STPG2: variants seen among roughly 807,000 people sequenced by gnomAD.
The protein encoded by STPG2 is sperm-tail PG-rich repeat-containing protein 2.
A neutral mutation model predicts 54.2 loss-of-function variants in STPG2; 56 were observed. That is an observed-to-expected ratio of 1.03 (90% CI 0.83 to 1.29). STPG2 has a LOEUF of 1.29. STPG2 is among the 50% of genes most tolerant of loss of function. The pLI is 0.00. For missense variants in STPG2, 596 were observed against 544.9 expected, an observed-to-expected ratio of 1.09 and a Z score of -0.93; for synonymous variants, 200 against 181.8, an observed-to-expected ratio of 1.10 and a Z score of -0.81.
intron 9 of STPG2, among the ~76,000 whole-genome samples, chr4:97,811,107 C>T (rs776658600): frequency 2.6e-5 from 4 of 151,700 alleles, no homozygotes; most frequent in Non-Finnish European, 2.9e-5. Flanking sequence ...CCAAAGAATA[C>T]GAATTACTGT....
chr4:97,799,486 T>C (rs1178992034), intron 9 of STPG2, among the ~76,000 whole-genome samples: 1 of 152,220 alleles, frequency 6.6e-6, no homozygotes, highest in Non-Finnish European at 1.5e-5. Context: ...AAAATTCTTT[T>C]CTTAAAGGAT....
chr4:98,068,525 G>T (rs1054912554), intron 5 of STPG2, among the ~76,000 whole-genome samples: 1 of 152,060 alleles, frequency 6.6e-6, no homozygotes, highest in African/African-American at 2.4e-5. Context: ...AATCTGAATT[G>T]CTCCTGAGTT....
intron 5 of STPG2, among the ~76,000 whole-genome samples, chr4:97,984,159 CTT>C (rs1377114062): frequency 6.6e-6 from 1 of 152,056 alleles, no homozygotes; most frequent in African/African-American, 2.4e-5. Context: ...TCCAATTCTT[CTT>C]TTTTTCTTTT....
intron 4 of STPG2, among the ~76,000 whole-genome samples, chr4:97,499,487 C>A (rs1447828563): frequency 7.8e-6 from 1 of 127,494 alleles, no homozygotes; most frequent in Non-Finnish European, 1.9e-5. Context: ...AAAATAGAGA[C>A]AGATATTAAA....
intron 9 of STPG2, among the ~76,000 whole-genome samples, chr4:97,768,179 A>AAG (rs1322126276): frequency 6.6e-6 from 1 of 152,032 alleles, no homozygotes; most frequent in East Asian, 1.9e-4. Flanking sequence ...AAAAAAAAAA[A>AAG]ACATAAGAGT....
At chr4:97,975,998 C>T (rs937675138) in intron 6 of STPG2, among the ~76,000 whole-genome samples, 3 of 152,124 alleles carry the variant, frequency 2.0e-5, no homozygotes, top group Non-Finnish European at 2.9e-5. Flanking sequence ...CTAGGTTAGA[C>T]GTTACTTTGG....
chr4:97,784,068 T>TAA (rs554533523), intron 9 of STPG2, among the ~76,000 whole-genome samples: 1 of 120,426 alleles, frequency 8.3e-6, no homozygotes, highest in Non-Finnish European at 1.8e-5. Flanking sequence ...AAAGTATAAT[T>TAA]AAAAAAAAAA....
intron 10 of STPG2, among the ~76,000 whole-genome samples, chr4:97,648,797 T>C (rs1192998653): frequency 6.6e-6 from 1 of 152,140 alleles, no homozygotes; most frequent in Non-Finnish European, 1.5e-5. Flanking sequence ...GTAGTCCTTG[T>C]TATTGTAGTT....
intron 8 of STPG2, among the ~76,000 whole-genome samples, chr4:97,903,204 C>T (rs1013516664): frequency 6.6e-6 from 1 of 151,948 alleles, no homozygotes; most frequent in Non-Finnish European, 1.5e-5. Flanking sequence ...GAGAATAGAT[C>T]TCAATTATTC....
chr4:97,808,277 A>G (rs1012572247), intron 9 of STPG2, among the ~76,000 whole-genome samples: 1 of 151,958 alleles, frequency 6.6e-6, no homozygotes, highest in African/African-American at 2.4e-5. Context: ...TCTTGGTTCT[A>G]AGGTATAAAT....
chr4:97,663,198 G>T (rs1028991494), intron 10 of STPG2, among the ~76,000 whole-genome samples: 1 of 152,070 alleles, frequency 6.6e-6, no homozygotes, highest in Non-Finnish European at 1.5e-5. Context: ...TAATGCCCAA[G>T]CATATTTAAT....
chr4:97,963,683 G>T (rs998922250), intron 7 of STPG2, among the ~76,000 whole-genome samples: 1 of 151,268 alleles, frequency 6.6e-6, no homozygotes, highest in Non-Finnish European at 1.5e-5. Flanking sequence ...ACATATATAT[G>T]TATTTGAAAT....
intron 10 of STPG2, among the ~76,000 whole-genome samples, chr4:97,582,451 T>A (rs937496585): frequency 1.1e-4 from 16 of 152,064 alleles, no homozygotes; most frequent in Non-Finnish European, 2.9e-5. Flanking sequence ...GAAGATATTA[T>A]CTTTATTATA....
chr4:97,909,690 A>T (rs1731604176), intron 8 of STPG2, among the ~76,000 whole-genome samples: 1 of 152,226 alleles, frequency 6.6e-6, no homozygotes, highest in African/African-American at 2.4e-5. Context: ...TAAGAGAATT[A>T]AAAAATCATA....
intron 10 of STPG2, among the ~76,000 whole-genome samples, chr4:97,692,616 G>C (rs989233439): frequency 6.6e-6 from 1 of 152,142 alleles, no homozygotes; most frequent in African/African-American, 2.4e-5. Context: ...GTTTAGAAAA[G>C]ATATTTGAGG....
At chr4:97,755,527 T>C (rs1725700575) in intron 9 of STPG2, among the ~76,000 whole-genome samples, 1 of 152,170 alleles carries the variant, frequency 6.6e-6, no homozygotes, top group South Asian at 2.1e-4. Flanking sequence ...GCCAATTTCT[T>C]TAAGAAAAAA....
At chr4:97,926,656 A>C (rs1732342369) in intron 8 of STPG2, among the ~76,000 whole-genome samples, 3 of 152,166 alleles carry the variant, frequency 2.0e-5, no homozygotes, top group East Asian at 3.8e-4. Context: ...TCTGCAAGAC[A>C]AAGGAGCTTC....
intron 8 of STPG2, among the ~76,000 whole-genome samples, chr4:97,872,550 G>T (rs1730028362): frequency 6.6e-6 from 1 of 150,846 alleles, no homozygotes; most frequent in South Asian, 2.1e-4. Context: ...AAACACGTAA[G>T]AATAAGTATT....
intron 8 of STPG2, among the ~76,000 whole-genome samples, chr4:97,938,451 G>GATGGCC (rs1328700034): frequency 5.4e-4 from 5 of 9,182 alleles, no homozygotes; most frequent in Non-Finnish European, 1.5e-3. Flanking sequence ...TAGCCACAGT[G>GATGGCC]ACTAAGTCAG....
Sources: gnomAD v4.1 joint callset for allele counts (sites outside exome capture counted in the v4.1 genomes callset) on GRCh38, gnomAD v4.1.1 for gene constraint, MANE v1.5 for transcripts, NCBI Gene and HGNC (gene_info 2026-07-23, HGNC 2026-07-21) for gene names.